Variants in MYRIP observed in about 807,000 individuals in gnomAD.
The protein encoded by MYRIP is myosin VIIA and Rab interacting protein, also known as rab effector MyRIP.
In MYRIP, 49 loss-of-function variants were observed where a neutral mutation model predicts 98.0. The observed-to-expected ratio is 0.50, with a 90% CI of 0.40 to 0.63. The LOEUF is 0.63. Ranked by LOEUF, MYRIP falls within the 30% of genes least tolerant of loss-of-function variation. The pLI, the probability that MYRIP is intolerant of heterozygous loss-of-function variation, is 0.00. For missense variants in MYRIP, 1,004 were observed against 1,058.2 expected, an observed-to-expected ratio of 0.95 and a Z score of 0.71; for synonymous variants, 404 against 409.5, an observed-to-expected ratio of 0.99 and a Z score of 0.16.
At chr3:39,951,647 AT>A (rs750248271) in intron 2 of MYRIP, among the ~76,000 whole-genome samples, 13 of 152,100 alleles carry the variant, frequency 8.5e-5, no homozygotes, top group Non-Finnish European at 1.3e-4. Context: ...ATGAAATATT[AT>A]TCTTTTGTTT....
intron 3 of MYRIP, among the ~76,000 whole-genome samples, chr3:40,070,871 G>GC (rs1468402774): frequency 6.6e-6 from 1 of 152,164 alleles, no homozygotes; most frequent in African/African-American, 2.4e-5. Flanking sequence ...CTGCAGTCCA[G>GC]CTTCTGAGAG....
intron 2 of MYRIP, among the ~76,000 whole-genome samples, chr3:40,023,043 A>G (rs1024133902): frequency 1.3e-5 from 2 of 152,168 alleles, no homozygotes; most frequent in Non-Finnish European, 2.9e-5. Context: ...ACACATATGG[A>G]TTACACTCCT....
At chr3:39,961,681 A>T (rs949055457) in intron 2 of MYRIP, among the ~76,000 whole-genome samples, 1 of 152,106 alleles carries the variant, frequency 6.6e-6, no homozygotes, top group South Asian at 2.1e-4. Flanking sequence ...ACTAGTCGAG[A>T]TATCTAATGT....
At chr3:40,134,884 C>G (rs887809776) in intron 3 of MYRIP, among the ~76,000 whole-genome samples, 1 of 152,136 alleles carries the variant, frequency 6.6e-6, no homozygotes, top group African/African-American at 2.4e-5. Context: ...CCCATCTGTA[C>G]GTCACCATCA....
At chr3:39,836,736 G>A (rs1022370323) in intron 1 of MYRIP, among the ~76,000 whole-genome samples, 5 of 152,168 alleles carry the variant, frequency 3.3e-5, no homozygotes, top group Admixed American at 1.3e-4. Context: ...GAGCAGCTCC[G>A]CACTCCAAGC....
intron 2 of MYRIP, among the ~76,000 whole-genome samples, chr3:39,975,074 G>T (rs1945711036): frequency 6.6e-6 from 1 of 152,120 alleles, no homozygotes; most frequent in South Asian, 2.1e-4. Flanking sequence ...GAAATAAAGG[G>T]TATTCAATTA....
At chr3:40,074,809 TA>T (rs1005323202) in intron 3 of MYRIP, among the ~76,000 whole-genome samples, 3 of 152,254 alleles carry the variant, frequency 2.0e-5, no homozygotes, top group African/African-American at 7.2e-5. Context: ...GCAAAGACCT[TA>T]ACAAACACCT....
intron 3 of MYRIP, among the ~76,000 whole-genome samples, chr3:40,112,885 A>G (rs1189438505): frequency 6.6e-6 from 1 of 152,220 alleles, no homozygotes; most frequent in Non-Finnish European, 1.5e-5. Flanking sequence ...CTCTGAAATC[A>G]AGTATTAGAA....
chr3:39,875,850 A>G (rs1258405429), intron 1 of MYRIP, among the ~76,000 whole-genome samples: 2 of 151,966 alleles, frequency 1.3e-5, no homozygotes, highest in South Asian at 2.1e-4. Context: ...GTAGATGTCT[A>G]TTAGGTGCAC....
chr3:40,013,666 G>A (rs1946805501), intron 2 of MYRIP, among the ~76,000 whole-genome samples: 1 of 152,216 alleles, frequency 6.6e-6, no homozygotes, highest in Non-Finnish European at 1.5e-5. Context: ...TTGTGAGCCT[G>A]AGTTAGTTTC....
intron 3 of MYRIP, among the ~76,000 whole-genome samples, chr3:40,079,676 A>G (rs1057150532): frequency 7.9e-5 from 12 of 152,334 alleles, no homozygotes; most frequent in Admixed American, 2.6e-4. Flanking sequence ...CTTTGCAAAA[A>G]CCAACACAGG....
chr3:40,125,233 T>C (rs1229496660), intron 3 of MYRIP, among the ~76,000 whole-genome samples: 9 of 152,198 alleles, frequency 5.9e-5, no homozygotes, highest in Admixed American at 3.9e-4. Context: ...AGGATAGATA[T>C]ATAAAGGAGT....
At chr3:40,002,954 G>A (rs149581834) in intron 2 of MYRIP, among the ~76,000 whole-genome samples, 28 of 151,730 alleles carry the variant, frequency 1.8e-4, no homozygotes, top group African/African-American at 6.8e-4. Context: ...CTATATGTGT[G>A]TATCTAAAGC....
At chr3:39,941,094 G>A (rs1343044286) in intron 2 of MYRIP, among the ~76,000 whole-genome samples, 2 of 152,114 alleles carry the variant, frequency 1.3e-5, no homozygotes, top group Non-Finnish European at 2.9e-5. Flanking sequence ...ATGTGAGGGA[G>A]TGTACAAGAG....
intron 4 of MYRIP, among the ~76,000 whole-genome samples, chr3:40,155,978 C>A (rs1334363317): frequency 6.6e-6 from 1 of 152,152 alleles, no homozygotes. Context: ...TTTTGCTGTG[C>A]AGAAGCTCTT....
intron 3 of MYRIP, among the ~76,000 whole-genome samples, chr3:40,093,311 A>G (rs941797621): frequency 7.2e-5 from 11 of 152,168 alleles, no homozygotes; most frequent in Non-Finnish European, 1.6e-4. Context: ...TGAAATTTAT[A>G]TAGCATTTTT....
At chr3:40,215,103 A>T (rs1952076588) in intron 11 of MYRIP, among the ~76,000 whole-genome samples, 1 of 152,226 alleles carries the variant, frequency 6.6e-6, no homozygotes, top group African/African-American at 2.4e-5. Context: ...CATTTATTAA[A>T]GGCCTAGATT....
chr3:39,988,328 T>C (rs777462844), intron 2 of MYRIP, among the ~76,000 whole-genome samples: 59 of 151,788 alleles, frequency 3.9e-4, no homozygotes, highest in Non-Finnish European at 7.4e-4. Flanking sequence ...AAAAAAAGAT[T>C]GTTGAATATT....
At chr3:39,844,149 C>G (rs568835738) in intron 1 of MYRIP, among the ~76,000 whole-genome samples, 8 of 152,342 alleles carry the variant, frequency 5.3e-5, no homozygotes, top group Non-Finnish European at 1.2e-4. Flanking sequence ...CCCCAGATCT[C>G]CTTATCCTTG....
Sources: gnomAD v4.1 joint callset for allele counts (sites outside exome capture counted in the v4.1 genomes callset) on GRCh38, gnomAD v4.1.1 for gene constraint, MANE v1.5 for transcripts, NCBI Gene and HGNC (gene_info 2026-07-23, HGNC 2026-07-21) for gene names.